Variants in STX5 observed in about 807,000 individuals in gnomAD.
The protein encoded by STX5 is syntaxin 5.
Under a neutral mutation model 42.9 loss-of-function variants are expected in STX5, and 15 were observed. The ratio of observed to expected loss-of-function variants is 0.35; its 90% CI spans 0.23 to 0.54. The LOEUF (loss-of-function observed/expected upper bound fraction) is 0.54, where lower values mean the gene tolerates loss of function less well. Among genes scored for constraint, STX5 ranks in the 20% least tolerant of loss-of-function variants. STX5 has a pLI of 0.91. For synonymous variants in STX5, 184 were observed against 173.2 expected, an observed-to-expected ratio of 1.06 and a Z score of -0.49; for missense variants, 430 against 455.0, an observed-to-expected ratio of 0.95 and a Z score of 0.50.
chr11:62,825,374 G>T, intron 6 of STX5, 35 bp from the exon 7 acceptor site: 2 of 1,614,162 alleles, frequency 1.2e-6, no homozygotes, highest in Non-Finnish European at 1.7e-6. Flanking sequence ...ACCAAAGAAG[G>T]CTCCACATTC....
intron 2 of STX5, among the ~76,000 whole-genome samples, chr11:62,829,194 G>A (rs1308459927): frequency 6.6e-6 from 1 of 152,114 alleles, no homozygotes; most frequent in Non-Finnish European, 1.5e-5. Context: ...GAAGGCTGAG[G>A]CGGGCAGAGC....
chr11:62,811,878 C>T (rs556733509), intron 10 of STX5, among the ~76,000 whole-genome samples: 128 of 152,172 alleles, frequency 8.4e-4, no homozygotes, highest in Non-Finnish European at 1.5e-3. Context: ...CCAGAATGGT[C>T]TTTCACCCTT....
intron 10 of STX5, among the ~76,000 whole-genome samples, chr11:62,819,165 A>G (rs1011206506): frequency 4.7e-5 from 6 of 128,242 alleles, no homozygotes; most frequent in Non-Finnish European, 6.4e-5. Flanking sequence ...AGCTTGCAGT[A>G]AGCCGAGATC....
chr11:62,811,011 C>T (rs376404057), intron 10 of STX5, among the ~76,000 whole-genome samples: 1 of 152,154 alleles, frequency 6.6e-6, no homozygotes, highest in Admixed American at 6.5e-5. Flanking sequence ...GGAGAAATAA[C>T]CACTCCTTAA....
In STX5 at chr11:62,808,792, AG is replaced by A. The variant is rs377227752; in HGVS notation, c.909-1165del. Reference sequence around the variant, plus strand: ...TGATTAAATTGACATCAGCAATAAAAGGGATAACCTCATCAAGTGCCTACTA... The same window carrying A: ...TGATTAAATTGACATCAGCAATAAAAGGATAACCTCATCAAGTGCCTACTA... On this transcript the variant is annotated intron_variant, in intron 10 of 10. Transcript: ENST00000294179. Among the ~76,000 whole-genome samples the A allele has an allele frequency of 7.6e-4, 116 of 152,324 alleles. No individual in the cohort carries two copies. The East Asian group carries it at 0.017, about 23-fold the overall frequency.
Position 62,827,592 on chromosome 11 carries a change from G to A in STX5, c.265C>T (p.Arg89Ter), listed in dbSNP as rs2084811048. The change falls in exon 3 of 11, where the codon CGA (arginine) becomes TGA (stop). Residue 89 changes from arginine (R) to a stop codon, truncating the protein, a stop_gained. Coordinates refer to ENST00000294179, the MANE Select transcript of STX5 (RefSeq NM_003164.5). LOFTEE classifies it high-confidence loss of function. ...ATGAGGGTGAATTCACTGCGTTGTC[G>A]GACAGCACGCAAAGCTGGCTTATTT... Reference protein sequence around the residue: ...QTNKPALRAVRQRSEFTLMAK... With the variant: ...QTNKPALRAV The A allele has an allele frequency of 3.1e-6, 5 of 1,614,020 alleles. No homozygotes were observed. Among genetic ancestry groups the A allele is most frequent in the Non-Finnish European group, 3.4e-6 (4 of 1,180,042 alleles).
At position 62,824,291 on chromosome 11, in the gene STX5, C is replaced by T. The variant is rs1253482494; in HGVS notation, c.787-4G>A. 1.9e-6 allele frequency: 3 copies of T among 1,614,200 alleles called. No individual in the cohort carries two copies. The highest frequency in any genetic ancestry group is 2.7e-5 in the African/African-American group (2 of 75,058). ...CCCGACTCTGGATGTAGGAATCCTT[C>T]AGGAGAGGGAGAGAGCACATGAGCA... On this transcript the variant is annotated splice_region_variant and splice_polypyrimidine_tract_variant and intron_variant, in intron 9 of 10. Transcript: ENST00000294179.
rs2084561921 is a variant in STX5 at position 62,807,288 on chromosome 11, G to C, written c.*181C>G. The C allele has an allele frequency of 4.7e-6, 4 of 859,420 alleles. No homozygotes were observed. The Admixed American group carries it at 1.2e-4, about 25-fold the overall frequency. The allele number at this position is 859,420 out of a possible 1,614,324, so 53.2% of individuals were successfully genotyped here. A position where few individuals can be genotyped will look rare whatever the true frequency, so the allele number is the denominator to read the frequency against. ...TGTTTCATAGGCCTGAGGGTGGTGGGGGGAGGACAGGGTGGCCAGAGGCAA... is the reference window on the plus strand; with the variant it reads ...TGTTTCATAGGCCTGAGGGTGGTGGCGGGAGGACAGGGTGGCCAGAGGCAA... On this transcript the variant is annotated 3_prime_UTR_variant, in exon 11 of 11. Transcript: ENST00000294179.
chr11:62,819,220 G>GAAAA lies in STX5; in HGVS notation c.908+4942_908+4945dup, dbSNP rs57390432. On this transcript the variant is annotated intron_variant, in intron 10 of 10. Transcript: ENST00000294179. ...TGGGCAACAGAGTGAGACTCTGTCT[G>GAAAA]AAAAAAAAAAAAAAAAAAAAAAAAA... Among the ~76,000 whole-genome samples, 42 of 29,642 alleles carry GAAAA rather than the reference G, an allele frequency of 1.4e-3. 5 individuals are homozygous for GAAAA. The highest frequency in any genetic ancestry group is 2.5e-3 in the South Asian group (1 of 394). The allele number at this position is 29,642 out of a possible 152,430, so 19.4% of individuals were successfully genotyped here. A position where few individuals can be genotyped will look rare whatever the true frequency, so the allele number is the denominator to read the frequency against.
intron 10 of STX5, among the ~76,000 whole-genome samples, chr11:62,820,243 G>A (rs2084725447): frequency 6.6e-6 from 1 of 151,258 alleles, no homozygotes; most frequent in Non-Finnish European, 1.5e-5. Flanking sequence ...GTGGTGGCGG[G>A]AGCCTGTAGT....
At chr11:62,814,303 T>C (rs1323748520) in intron 10 of STX5, among the ~76,000 whole-genome samples, 1 of 152,052 alleles carries the variant, frequency 6.6e-6, no homozygotes, top group South Asian at 2.1e-4. Flanking sequence ...GTAGCTAGCA[T>C]TACAGGCATG....
At chr11:62,814,153 GAA>G (rs1260431999) in intron 10 of STX5, among the ~76,000 whole-genome samples, 1 of 152,064 alleles carries the variant, frequency 6.6e-6, no homozygotes, top group Admixed American at 6.6e-5. Flanking sequence ...GCGATGCTCA[GAA>G]AAGAGGAAGA....
intron 10 of STX5, among the ~76,000 whole-genome samples, chr11:62,808,650 G>T (rs2084580706): frequency 6.6e-6 from 1 of 152,148 alleles, no homozygotes; most frequent in African/African-American, 2.4e-5. Context: ...AATATGACAA[G>T]ATTTTATGGG....
At chr11:62,812,388 T>C (rs2084626939) in intron 10 of STX5, among the ~76,000 whole-genome samples, 3 of 151,960 alleles carry the variant, frequency 2.0e-5, no homozygotes, top group Admixed American at 6.6e-5. Context: ...TCCATATCTT[T>C]TATAATTCTG....
intron 10 of STX5, among the ~76,000 whole-genome samples, chr11:62,811,163 T>G (rs1476614888): frequency 6.6e-6 from 1 of 152,114 alleles, no homozygotes; most frequent in Non-Finnish European, 1.5e-5. Flanking sequence ...TCCTGACCTT[T>G]TTTTCACTTT....
At position 62,822,576 on chromosome 11, in the gene STX5, A is replaced by C. The variant is rs563057873; in HGVS notation, c.908+1590T>G. On this transcript the variant is annotated intron_variant, in intron 10 of 10. Coordinates refer to ENST00000294179, the MANE Select transcript of STX5 (RefSeq NM_003164.5). The stretch of plus-strand genomic sequence containing the variant: ...GGCCTTTGCCAGGGTCTATGTAGCT[A>C]ATTTCCTCACCTTCTCCCAAGTGTG... Among the ~76,000 whole-genome samples, 14 of 151,750 alleles carry C rather than the reference A, an allele frequency of 9.2e-5. No individual in the cohort carries two copies. In the South Asian group the frequency reaches 2.7e-3, roughly 29 times the overall value.
Sources: gnomAD v4.1 joint callset for allele counts (sites outside exome capture counted in the v4.1 genomes callset) on GRCh38, gnomAD v4.1.1 for gene constraint, MANE v1.5 for transcripts, NCBI Gene and HGNC (gene_info 2026-07-23, HGNC 2026-07-21) for gene names.